Variants in GTF2IRD2B observed in about 807,000 individuals in gnomAD.
GTF2IRD2B encodes the protein GTF2I repeat domain containing 2B, also known as general transcription factor II-I repeat domain-containing protein 2B.
In GTF2IRD2B, 10 loss-of-function variants were observed where a neutral mutation model predicts 55.6. The ratio of observed to expected loss-of-function variants is 0.18; its 90% CI spans 0.11 to 0.31. The LOEUF (loss-of-function observed/expected upper bound fraction) is 0.31. Ranked by LOEUF, GTF2IRD2B falls within the 10% of genes least tolerant of loss-of-function variation. The pLI is 1.00. For missense variants in GTF2IRD2B, 206 were observed against 802.7 expected (o/e 0.26, Z 8.98); for synonymous variants, 107 against 320.5 (o/e 0.33, Z 7.12).
At chr7:75,123,927 A>T (rs1584539330) in intron 6 of GTF2IRD2B, 1 of 330,134 alleles carries the variant, frequency 3.0e-6, no homozygotes, top group East Asian at 7.6e-5. Flanking sequence ...AACTTAGAGG[A>T]CGGGCCAATA....
chr7:75,148,126 C>G lies in GTF2IRD2B; in HGVS notation c.1679C>G (p.Thr560Ser). Reference sequence around the variant, plus strand: ...GATGAGATCACGGATATAAATAATACCACCCAGTTGGCCATATTCATCCGT... The same window carrying G: ...GATGAGATCACGGATATAAATAATAGCACCCAGTTGGCCATATTCATCCGT... ...AIDEITDINN[T>S]TQLAIFIRGV... is the part of the protein sequence containing the mutation. The change falls in exon 16 of 16, where the codon ACC (threonine) becomes AGC (serine). Residue 560 changes from threonine to serine, a missense_variant. Thr to Ser is a moderately conservative substitution (Grantham distance 58, BLOSUM62 1). Transcript: ENST00000472837. 6.2e-7 allele frequency: 1 copy of G among 1,612,638 alleles called. No individual in the cohort carries two copies. The highest frequency in any genetic ancestry group is 1.3e-5 in the African/African-American group (1 of 74,866).
chr7:75,113,765 C>G (rs1397479405), intron 3 of GTF2IRD2B, among the ~76,000 whole-genome samples: 2 of 130,910 alleles, frequency 1.5e-5, no homozygotes, highest in African/African-American at 3.0e-5. Flanking sequence ...CAGAAAGGTT[C>G]GTCAGAGGGT....
chr7:75,141,700 C>CAA (rs1182120810), intron 13 of GTF2IRD2B, among the ~76,000 whole-genome samples: 3 of 9,250 alleles, frequency 3.2e-4, no homozygotes, highest in African/African-American at 1.3e-3. Context: ...GACCCTGTCT[C>CAA]AAAAAAAAAA....
intron 3 of GTF2IRD2B, among the ~76,000 whole-genome samples, chr7:75,119,267 GATTGGGGGCT>G (rs1188653289): frequency 9.5e-6 from 1 of 105,048 alleles, no homozygotes; most frequent in East Asian, 3.6e-4. Flanking sequence ...ACATGGATGG[GATTGGGGGCT>G]ATTGTCTTTA....
intron 1 of GTF2IRD2B, among the ~76,000 whole-genome samples, chr7:75,105,206 CA>C (rs782706581): frequency 3.3e-4 from 50 of 150,740 alleles, no homozygotes; most frequent in South Asian, 1.0e-3. Flanking sequence ...AAACAAAAAA[CA>C]AAAAAAAAAC....
At position 75,092,732 on chromosome 7, in the gene GTF2IRD2B, C is replaced by G. The variant is rs1807282366; in HGVS notation, c.-39C>G. 1 of 152,980 alleles carries G rather than the reference C, an allele frequency of 6.5e-6. No individual in the cohort carries two copies. Among genetic ancestry groups the G allele is most frequent in the African/African-American group, 2.4e-5 (1 of 41,450 alleles). The allele number at this position is 152,980 out of a possible 1,614,324, so 9.5% of individuals were successfully genotyped here. On this transcript the variant is annotated 5_prime_UTR_variant, in exon 1 of 16. Transcript: ENST00000472837. ...TCCCCGGTGGCCCAGGCCTCGGACT[C>G]CGCGGCCGGCCCGGCGCGGCCCAGC...
intron 1 of GTF2IRD2B, among the ~76,000 whole-genome samples, chr7:75,097,352 C>T (rs1326080723): frequency 1.2e-4 from 9 of 78,020 alleles, no homozygotes; most frequent in African/African-American, 3.9e-4. Flanking sequence ...TAGCCAGGCG[C>T]ATGGTAAGCT....
At chr7:75,103,680 C>T (rs1480920158) in intron 1 of GTF2IRD2B, among the ~76,000 whole-genome samples, 19 of 151,524 alleles carry the variant, frequency 1.3e-4, no homozygotes, top group East Asian at 1.2e-3. Context: ...CGTGGGTCGC[C>T]GTCCCCAGGG....
intron 1 of GTF2IRD2B, among the ~76,000 whole-genome samples, chr7:75,103,561 C>T (rs1167551067): frequency 6.6e-6 from 1 of 150,422 alleles, no homozygotes; most frequent in East Asian, 1.9e-4. Flanking sequence ...TGAATAGTCT[C>T]AACTAAGGAC....
intron 1 of GTF2IRD2B, among the ~76,000 whole-genome samples, chr7:75,093,635 G>A (rs1471972528): frequency 6.6e-6 from 1 of 152,226 alleles, no homozygotes; most frequent in Admixed American, 6.5e-5. Flanking sequence ...TGGACATTTC[G>A]TGTGGATAGA....
At chr7:75,147,378 A>G (rs1554454414) in intron 15 of GTF2IRD2B, among the ~76,000 whole-genome samples, 1 of 151,882 alleles carries the variant, frequency 6.6e-6, no homozygotes, top group Non-Finnish European at 1.5e-5. Flanking sequence ...AGTTGCAGTG[A>G]GCCGAGATTG....
intron 1 of GTF2IRD2B, among the ~76,000 whole-genome samples, chr7:75,101,387 T>C (rs1451198113): frequency 3.3e-5 from 5 of 150,926 alleles, no homozygotes; most frequent in African/African-American, 9.7e-5. Context: ...GTGGGCAACA[T>C]AGTGAGACCT....
At chr7:75,117,903 C>G in intron 3 of GTF2IRD2B, among the ~76,000 whole-genome samples, 1 of 150,976 alleles carries the variant, frequency 6.6e-6, no homozygotes, top group Non-Finnish European at 1.5e-5. Flanking sequence ...GCCAACATGG[C>G]GAAACCCCAT....
chr7:75,148,200 C>T lies in GTF2IRD2B; in HGVS notation c.1753C>T (p.Pro585Ser), dbSNP rs368597205. Residue 585 changes from proline (P) to serine (S), a missense_variant, in exon 16 of 16, where the codon CCC becomes TCC. Coordinates refer to ENST00000472837, the MANE Select transcript of GTF2IRD2B (RefSeq NM_001003795.3). ...GTCCGAAGAACTTCTGGACACGGTGCCCATGACGGGTACAAAATCTGGCAA... is the reference window on the plus strand; with the variant it reads ...GTCCGAAGAACTTCTGGACACGGTGTCCATGACGGGTACAAAATCTGGCAA... ...DVSEELLDTV[P>S]MTGTKSGNEI... 16 of 1,613,802 alleles carry T rather than the reference C, an allele frequency of 9.9e-6. No individual in the cohort carries two copies. In the Admixed American group the frequency reaches 1.0e-4, roughly 10 times the overall value.
chr7:75,101,893 CAAAAAAAAAAAAA>C (rs1243907524), intron 1 of GTF2IRD2B, among the ~76,000 whole-genome samples: 2 of 78,422 alleles, frequency 2.6e-5, no homozygotes, highest in African/African-American at 1.0e-4. Context: ...GACCCCATCT[CAAAAAAAAAAAAA>C]AAAAAAAGAA....
Position 75,133,162 on chromosome 7 carries a change from C to T in GTF2IRD2B, c.698C>T (p.Ser233Leu). The change falls in exon 9 of 16, where the codon TCA (serine) becomes TTA (leucine). Residue 233 changes from serine to leucine, a missense_variant. Physicochemically the swap from Ser to Leu is moderately radical, Grantham distance 145. Transcript: ENST00000472837. ...ATTTCACTGAAAGCAGAAGCTGTCT[C>T]AGTCAAGAAAGAATCAGAAGATCCT... is the stretch of plus-strand genomic sequence containing the variant. ...SGISLKAEAV[S>L]VKKESEDPNY... 1 of 509,300 alleles carries T rather than the reference C, an allele frequency of 2.0e-6. No individual in the cohort carries two copies. 31.5% of individuals were successfully genotyped at this position (509,300 alleles called of 1,614,324 possible).
intron 9 of GTF2IRD2B, among the ~76,000 whole-genome samples, chr7:75,133,430 A>G (rs1321233171): frequency 1.3e-5 from 2 of 148,492 alleles, no homozygotes; most frequent in African/African-American, 5.3e-5. Context: ...ATGAGGTCTC[A>G]CCTTGTTGCC....
At position 75,148,370 on chromosome 7, in the gene GTF2IRD2B, G is replaced by T. The variant is rs371425291; in HGVS notation, c.1923G>T (p.Thr641=). ...LVTKLKSRVA[T]FCKGAELKSI... ...CAAAACTGAAGTCCAGGGTGGCGAC[G>T]TTCTGCAAGGGTGCGGAACTGAAGT... Residue 641 remains threonine (T), a synonymous_variant, in exon 16 of 16, where the codon ACG becomes ACT. Transcript: ENST00000472837. 169 of 1,611,940 alleles carry T rather than the reference G, an allele frequency of 1.0e-4. 1 individual carries two copies. The South Asian group carries it at 1.6e-3, about 16-fold the overall frequency.
chr7:75,116,640 CTT>C lies in GTF2IRD2B; in HGVS notation c.238+4120_238+4121del, dbSNP rs782017384. Among the ~76,000 whole-genome samples the C allele has an allele frequency of 5.1e-5, 6 of 118,312 alleles. No individual in the cohort carries two copies. The Admixed American group carries it at 5.4e-4, about 11-fold the overall frequency. 77.6% of individuals were successfully genotyped at this position (118,312 alleles called of 152,430 possible). A position where few individuals can be genotyped will look rare whatever the true frequency, so the allele number is the denominator to read the frequency against. ...GGGAGAGAGGGCATCTTTGCCATTT[CTT>C]TTTTTTTTTTTTTTCTTTGAGATGG... On this transcript the variant is annotated intron_variant, in intron 3 of 15. Transcript: ENST00000472837.
Sources: allele counts gnomAD v4.1 joint callset (sites outside exome capture counted in the v4.1 genomes callset), GRCh38; gene constraint gnomAD v4.1.1; transcripts MANE v1.5; gene names NCBI Gene and HGNC (gene_info 2026-07-23, HGNC 2026-07-21).